The following PARP8 variants were observed in gnomAD, a reference collection of about 807,000 sequenced individuals.
PARP8 encodes the protein poly(ADP-ribose) polymerase family member 8.
PARP8 carries 51 observed loss-of-function variants against 124.1 expected under a neutral mutation model. The observed-to-expected ratio is 0.41, with a 90% confidence interval of 0.33 to 0.52. PARP8 has a LOEUF of 0.52. Among genes scored for constraint, PARP8 ranks in the 20% least tolerant of loss-of-function variants. The pLI is 0.21. For synonymous variants in PARP8, 391 were observed against 361.5 expected (o/e 1.08, Z -0.93); for missense variants, 860 against 1,018.9 (o/e 0.84, Z 2.12).
chr5:50,673,695 G>T (rs1750300293), intron 2 of PARP8, among the ~76,000 whole-genome samples: 2 of 152,204 alleles, frequency 1.3e-5, no homozygotes, highest in South Asian at 4.1e-4. Context: ...TGGGATGTCT[G>T]CCAGGGGCAA....
At chr5:50,835,443 G>C (rs945314197) in intron 25 of PARP8, among the ~76,000 whole-genome samples, 40 of 152,262 alleles carry the variant, frequency 2.6e-4, no homozygotes, top group African/African-American at 9.4e-4. Flanking sequence ...CTGGGGCTGA[G>C]GCAGGAGAAT....
intron 3 of PARP8, among the ~76,000 whole-genome samples, chr5:50,758,970 A>G (rs1194315005): frequency 6.6e-6 from 1 of 152,230 alleles, no homozygotes; most frequent in Non-Finnish European, 1.5e-5. Flanking sequence ...GAAGAATGAT[A>G]ATTGTGAGAC....
intron 3 of PARP8, among the ~76,000 whole-genome samples, chr5:50,753,750 A>T (rs1759511957): frequency 6.6e-6 from 1 of 151,934 alleles, no homozygotes; most frequent in Admixed American, 6.6e-5. Context: ...AATCAATATA[A>T]TTTTTTTAGA....
At chr5:50,757,725 G>A (rs573812854) in intron 3 of PARP8, among the ~76,000 whole-genome samples, 11 of 152,088 alleles carry the variant, frequency 7.2e-5, no homozygotes, top group Non-Finnish European at 1.2e-4. Context: ...CTTTATGTAA[G>A]CCATTTTGAT....
chr5:50,753,129 T>C (rs1250299316), intron 3 of PARP8, among the ~76,000 whole-genome samples: 1 of 151,052 alleles, frequency 6.6e-6, no homozygotes, highest in East Asian at 1.9e-4. Context: ...TGAAGACAGT[T>C]TTTTTTTTAA....
intron 25 of PARP8, among the ~76,000 whole-genome samples, chr5:50,836,128 TTGGA>T (rs1380723212): frequency 6.6e-6 from 1 of 152,184 alleles, no homozygotes; most frequent in East Asian, 1.9e-4. Flanking sequence ...TGGTTTTCTT[TTGGA>T]TGATTTGAAA....
intron 2 of PARP8, among the ~76,000 whole-genome samples, chr5:50,727,712 G>A (rs1396125113): frequency 1.3e-5 from 2 of 152,098 alleles, no homozygotes; most frequent in African/African-American, 4.8e-5. Context: ...TGAAGAATGA[G>A]GATGGTATAT....
At chr5:50,786,419 G>C (rs1217481909) in intron 9 of PARP8, among the ~76,000 whole-genome samples, 1 of 148,996 alleles carries the variant, frequency 6.7e-6, no homozygotes, top group Non-Finnish European at 1.5e-5. Context: ...GGCTGTAGTA[G>C]AGTGGCATTA....
rs1760343123 is a variant in PARP8 at position 50,759,652 on chromosome 5, A to G, written c.194A>G (p.Tyr65Cys). 1.9e-6 allele frequency: 3 copies of G among 1,540,230 alleles called. No homozygotes were observed. The highest frequency in any genetic ancestry group is 2.6e-6 in the Non-Finnish European group (3 of 1,154,146). ...TTTTTTTTTTTTGCAGATAATACAT[A>G]TGTGTCAAGTTCAGAGAATGATGAA... is the stretch of plus-strand genomic sequence containing the variant. ...HVSEDYPDNT[Y>C]VSSSENDEDV... Residue 65 changes from tyrosine to cysteine, a missense_variant, in exon 4 of 26, where the codon TAT (tyrosine) becomes TGT (cysteine). Around this residue, in one of 2 missense-constraint regions of PARP8, gnomAD observed 517 missense variants for 544.2 expected, o/e 0.95. Transcript: ENST00000281631.
chr5:50,686,503 G>A (rs1312141684), intron 2 of PARP8, among the ~76,000 whole-genome samples: 1 of 152,194 alleles, frequency 6.6e-6, no homozygotes, highest in Non-Finnish European at 1.5e-5. Context: ...GGGGTCTGGA[G>A]GACAGTGGCC....
intron 2 of PARP8, among the ~76,000 whole-genome samples, chr5:50,674,237 A>T (rs1259498672): frequency 1.3e-5 from 2 of 152,204 alleles, no homozygotes; most frequent in African/African-American, 4.8e-5. Context: ...ATCCCTTCTT[A>T]GCTCTTTAAA....
chr5:50,833,174 T>TTAGA (rs1289225503), intron 23 of PARP8, among the ~76,000 whole-genome samples: 1 of 152,062 alleles, frequency 6.6e-6, no homozygotes, highest in African/African-American at 2.4e-5. Context: ...AAATACATAT[T>TTAGA]TAGATAGATA....
At chr5:50,741,870 C>T (rs556470672) in intron 2 of PARP8, 59 of 439,586 alleles carry the variant, frequency 1.3e-4, no homozygotes, top group African/African-American at 1.1e-3. Context: ...GGTGCAATAG[C>T]GCGATCTCAG....
At chr5:50,784,176 G>T (rs1177897803) in intron 9 of PARP8, among the ~76,000 whole-genome samples, 1 of 151,978 alleles carries the variant, frequency 6.6e-6, no homozygotes, top group Non-Finnish European at 1.5e-5. Flanking sequence ...TTTTTGAAAA[G>T]GATTTCCTAC....
intron 2 of PARP8, among the ~76,000 whole-genome samples, chr5:50,746,551 TA>T (rs200732242): frequency 3.6e-4 from 54 of 151,262 alleles, no homozygotes; most frequent in African/African-American, 1.3e-3. Context: ...ATATAAAAAG[TA>T]AAAAAAAATA....
chr5:50,794,823 C>G (rs1272973676), intron 11 of PARP8, 30 bp from the exon 12 acceptor site: 2 of 1,573,254 alleles, frequency 1.3e-6, no homozygotes, highest in Non-Finnish European at 8.7e-7. Context: ...CTGTGATTTG[C>G]CCTGTAGTAA....
chr5:50,744,293 A>G (rs540009563), intron 2 of PARP8, among the ~76,000 whole-genome samples: 134 of 152,334 alleles, frequency 8.8e-4, no homozygotes, highest in Non-Finnish European at 1.4e-3. Context: ...CATTGCAGAC[A>G]TTTCAGAAGG....
At chr5:50,815,361 ATGT>A (rs764571556) in intron 14 of PARP8, 68 bp from the exon 15 acceptor site, 1 of 1,063,498 alleles carries the variant, frequency 9.4e-7, no homozygotes, top group East Asian at 2.7e-5. Context: ...ATTATGTGAA[ATGT>A]TGTGAATTTA....
intron 2 of PARP8, among the ~76,000 whole-genome samples, chr5:50,725,150 G>A (rs1239616902): frequency 1.3e-5 from 2 of 148,308 alleles, no homozygotes; most frequent in Non-Finnish European, 1.5e-5. Context: ...GTATATGTGT[G>A]TATATATATA....
Sources: gnomAD v4.1 joint callset for allele counts (sites outside exome capture counted in the v4.1 genomes callset) on GRCh38, gnomAD v4.1.1 for gene constraint, gnomAD v4.1.1 regional missense constraint, MANE v1.5 for transcripts, NCBI Gene and HGNC (gene_info 2026-07-23, HGNC 2026-07-21) for gene names.